CEP104: variants seen among roughly 807,000 people sequenced by gnomAD.
CEP104 encodes centrosomal protein 104.
A neutral mutation model predicts 113.3 loss-of-function variants in CEP104; 84 were observed. That is an observed-to-expected ratio of 0.74 (90% CI 0.62 to 0.89). The LOEUF (loss-of-function observed/expected upper bound fraction) is 0.89, where lower values mean the gene tolerates loss of function less well. Ranked by LOEUF, CEP104 falls within the 40% of genes least tolerant of loss-of-function variation. The pLI, the probability that CEP104 is intolerant of heterozygous loss-of-function variation, is 0.00. For missense variants in CEP104, 1,053 were observed against 1,156.6 expected (o/e 0.91, Z 1.30); for synonymous variants, 378 against 421.7 (o/e 0.90, Z 1.27).
At chr1:3,842,301 C>T (rs1293811607) in intron 6 of CEP104, among the ~76,000 whole-genome samples, 2 of 152,168 alleles carry the variant, frequency 1.3e-5, no homozygotes, top group African/African-American at 4.8e-5. Context: ...AGGATGGTCT[C>T]GATCTCCTGA....
At chr1:3,852,912 G>A (rs1370222376) in intron 1 of CEP104, among the ~76,000 whole-genome samples, 3 of 152,116 alleles carry the variant, frequency 2.0e-5, no homozygotes, top group South Asian at 2.1e-4. Flanking sequence ...GGCCAAGGAC[G>A]GCTGAGGATG....
At chr1:3,842,639 G>A (rs1269717595) in intron 6 of CEP104, among the ~76,000 whole-genome samples, 3 of 152,258 alleles carry the variant, frequency 2.0e-5, no homozygotes, top group African/African-American at 7.2e-5. Flanking sequence ...CTTTCTGCGA[G>A]CAGTCTGTAT....
intron 9 of CEP104, 144 bp from the exon 10 acceptor site, chr1:3,836,836 G>A: frequency 1.6e-6 from 1 of 643,994 alleles, no homozygotes; most frequent in East Asian, 2.8e-5. Flanking sequence ...CATCAGATTA[G>A]AATAATTTAT....
At chr1:3,854,563 G>A (rs1273227918) in intron 1 of CEP104, among the ~76,000 whole-genome samples, 7 of 151,332 alleles carry the variant, frequency 4.6e-5, no homozygotes, top group Non-Finnish European at 1.0e-4. Flanking sequence ...CTGTCTCCCT[G>A]GTTCATGTGA....
In CEP104 at chr1:3,837,341, G is replaced by A. The variant is rs201648588; in HGVS notation, c.1070C>T (p.Ser357Phe). 62 of 1,613,996 alleles carry A rather than the reference G, an allele frequency of 3.8e-5. No individual in the cohort carries two copies. The highest frequency in any genetic ancestry group is 3.3e-4 in the Middle Eastern group (2 of 6,084). ...GGCAGGGAGTAACGGGTCTACTGCAGAATGCTGAGGAGAAATAGTTAGAGA... is the reference window on the plus strand; with the variant it reads ...GGCAGGGAGTAACGGGTCTACTGCAAAATGCTGAGGAGAAATAGTTAGAGA... ...SYSLTISPQH[S>F]AVDPLLPATD... The change falls in exon 9 of 22, where the codon TCT becomes TTT. Residue 357 changes from serine (S) to phenylalanine (F), a missense_variant. Ser to Phe is a radical substitution (Grantham distance 155). Coordinates refer to ENST00000378230, the MANE Select transcript of CEP104 (RefSeq NM_014704.4).
intron 10 of CEP104, 103 bp downstream of exon 10, chr1:3,836,392 G>A: frequency 8.6e-7 from 1 of 1,166,926 alleles, no homozygotes; most frequent in Non-Finnish European, 1.2e-6. Flanking sequence ...GCAAAGCCGT[G>A]GGCGTTTTCC....
At chr1:3,816,257 T>C in intron 21 of CEP104, 23 bp downstream of exon 21, 3 of 1,544,466 alleles carry the variant, frequency 1.9e-6, no homozygotes, top group Non-Finnish European at 2.6e-6. Context: ...AGACTACACC[T>C]GCTCAGCGGC....
At position 3,835,050 on chromosome 1, in the gene CEP104, C is replaced by T; in HGVS notation, c.1360G>A (p.Ala454Thr). Residue 454 changes from alanine to threonine, a missense_variant, in exon 11 of 22, where the codon GCA becomes ACA. Physicochemically the swap from Ala to Thr is moderately conservative, Grantham distance 58. Coordinates refer to ENST00000378230, the MANE Select transcript of CEP104 (RefSeq NM_014704.4). ...YCKTWSYRED[A>T]LLALSKKLME... ...AACTTCTTAGACAAGGCAAGCAGTG[C>T]ATCCTCTCGGTAGGACCACGTCTTA... 1 of 1,614,062 alleles carries T rather than the reference C, an allele frequency of 6.2e-7. No homozygotes were observed.
chr1:3,831,971 C>T (rs1644216369), intron 12 of CEP104, among the ~76,000 whole-genome samples: 1 of 152,208 alleles, frequency 6.6e-6, no homozygotes, highest in South Asian at 2.1e-4. Flanking sequence ...AACTCCTTAA[C>T]TACAAACAGA....
At chr1:3,841,612 C>T (rs1275715345) in intron 6 of CEP104, among the ~76,000 whole-genome samples, 9 of 152,188 alleles carry the variant, frequency 5.9e-5, no homozygotes, top group African/African-American at 1.7e-4. Flanking sequence ...GTGCCATCTA[C>T]CCACTTTGGT....
At position 3,824,617 on chromosome 1, in the gene CEP104, A is replaced by G. The variant is rs183299474; in HGVS notation, c.2365-1055T>C. On this transcript the variant is annotated intron_variant, in intron 18 of 21. Transcript: ENST00000378230. ...ACCAACCACTCACATCCACGTGTAT[A>G]AAGAACGGCCCCAAATCAATAAAAA... Among the ~76,000 whole-genome samples the G allele has an allele frequency of 1.9e-3, 294 of 152,348 alleles. 1 individual carries two copies. The highest frequency in any genetic ancestry group is 3.5e-3 in the Non-Finnish European group (241 of 68,034).
intron 20 of CEP104, among the ~76,000 whole-genome samples, chr1:3,816,715 G>A (rs1185477010): frequency 6.6e-6 from 1 of 152,246 alleles, no homozygotes; most frequent in African/African-American, 2.4e-5. Context: ...GCGTGATTAC[G>A]TTCCAGGCCA....
chr1:3,815,456 G>T lies in CEP104; in HGVS notation c.2724C>A (p.Pro908=). Residue 908 remains proline, a synonymous_variant, in exon 22 of 22, where the codon CCC becomes CCA. Transcript: ENST00000378230. ...TCTTGCTCAGTCCGCCCTTCGGGGT[G>T]GGGATCTTGCTTCCGGCCTTTGACC... is the stretch of plus-strand genomic sequence containing the variant. ...PLGSKAGSKI[P]TPKGGLSKSS... The T allele has an allele frequency of 6.2e-7, 1 of 1,613,326 alleles. No individual in the cohort carries two copies. Among genetic ancestry groups the T allele is most frequent in the Non-Finnish European group, 8.5e-7 (1 of 1,179,880 alleles).
intron 2 of CEP104, among the ~76,000 whole-genome samples, 170 bp from the exon 3 acceptor site, chr1:3,848,951 C>A (rs766582324): frequency 6.6e-6 from 1 of 152,158 alleles, no homozygotes; most frequent in Non-Finnish European, 1.5e-5. Context: ...CCTGTTCTCT[C>A]GAGCTTTTCT....
chr1:3,836,468 G>GTTT lies in CEP104; in HGVS notation c.1317+24_1317+26dup, dbSNP rs36051675. On this transcript the variant is annotated intron_variant, in intron 10 of 21. Coordinates refer to ENST00000378230, the MANE Select transcript of CEP104 (RefSeq NM_014704.4). ...AGACTAGCCTCCCCTCTGCCACCCC[G>GTTT]TTTTTTTTTTTTTTTTTTTTTTTTA... is the stretch of plus-strand genomic sequence containing the variant. 53,795 of 981,926 alleles carry GTTT rather than the reference G, an allele frequency of 0.055. 1,475 individuals are homozygous for GTTT. The highest frequency in any genetic ancestry group is 0.15 in the African/African-American group (6,117 of 39,644). The allele number at this position is 981,926 out of a possible 1,614,324, so 60.8% of individuals were successfully genotyped here. A position where few individuals can be genotyped will look rare whatever the true frequency, so the allele number is the denominator to read the frequency against.
At chr1:3,844,133 TA>T (rs1242358467) in intron 6 of CEP104, among the ~76,000 whole-genome samples, 1 of 152,204 alleles carries the variant, frequency 6.6e-6, no homozygotes, top group Admixed American at 6.5e-5. Flanking sequence ...GAAGAGGCCA[TA>T]AGGTGATGTC....
intron 3 of CEP104, among the ~76,000 whole-genome samples, chr1:3,848,074 A>C (rs1431586922): frequency 1.3e-5 from 2 of 152,136 alleles, no homozygotes; most frequent in Non-Finnish European, 2.9e-5. Flanking sequence ...ATTCTTAAGA[A>C]AATTTCCACA....
intron 1 of CEP104, among the ~76,000 whole-genome samples, chr1:3,855,573 A>G (rs1336270891): frequency 1.3e-5 from 2 of 152,164 alleles, no homozygotes; most frequent in African/African-American, 4.8e-5. Context: ...ACTGCCCCCA[A>G]CAAATCTAAA....
Position 3,834,946 on chromosome 1 carries a change from G to C in CEP104, c.1464C>G (p.Ala488=). ...TCACGGAGGTCACAATGTCCTTTATGGCTCTTCTAACGAGAAAGACGGATG... is the reference window on the plus strand; with the variant it reads ...TCACGGAGGTCACAATGTCCTTTATCGCTCTTCTAACGAGAAAGACGGATG... The part of the protein sequence containing the change: ...LRASVFLVRR[A]IKDIVTSVFQ... The change falls in exon 11 of 22, where the codon GCC becomes GCG. Residue 488 remains alanine, a synonymous_variant. Transcript: ENST00000378230. The C allele has an allele frequency of 1.9e-6, 3 of 1,598,112 alleles. No individual in the cohort carries two copies. The highest frequency in any genetic ancestry group is 2.7e-5 in the African/African-American group (2 of 74,896).
Sources: allele counts gnomAD v4.1 joint callset (sites outside exome capture counted in the v4.1 genomes callset), GRCh38; gene constraint gnomAD v4.1.1; transcripts MANE v1.5; gene names NCBI Gene and HGNC (gene_info 2026-07-23, HGNC 2026-07-21).